The following CATSPERB variants were observed in gnomAD, a reference collection of about 807,000 sequenced individuals.
The protein encoded by CATSPERB is cation channel sperm-associated auxiliary subunit beta.
A neutral mutation model predicts 128.3 loss-of-function variants in CATSPERB; 93 were observed. The observed-to-expected ratio is 0.72, with a 90% CI of 0.61 to 0.86. The LOEUF (loss-of-function observed/expected upper bound fraction) is 0.86, where lower values mean the gene tolerates loss of function less well. CATSPERB is among the 40% of genes least tolerant of loss of function. The probability of loss-of-function intolerance (pLI) is 0.00; values close to 1 mark genes in which losing one functional copy is unlikely to be tolerated. For missense variants in CATSPERB, 1,153 were observed against 1,329.5 expected (o/e 0.87, Z 2.06); for synonymous variants, 381 against 448.8 (o/e 0.85, Z 1.91).
chr14:91,695,129 ATTTTTTT>A (rs34458723), intron 7 of CATSPERB, among the ~76,000 whole-genome samples: 5 of 133,536 alleles, frequency 3.7e-5, no homozygotes, highest in Non-Finnish European at 6.4e-5. Flanking sequence ...AATGGTGGGA[ATTTTTTT>A]TTTTTTTTTT....
At position 91,683,876 on chromosome 14, in the gene CATSPERB, C is replaced by A; in HGVS notation, c.931+1G>T. ...ACAGTATATCTTTAACCAAAATTTA[C>A]CTTCAAAGTGCTCTCTGTTAGCAAA... On this transcript the variant is annotated splice_donor_variant, in intron 11 of 26. Coordinates refer to ENST00000256343, the MANE Select transcript of CATSPERB (RefSeq NM_024764.4). LOFTEE classifies it high-confidence loss of function. 1 of 1,597,802 alleles carries A rather than the reference C, an allele frequency of 6.3e-7. No individual in the cohort carries two copies. The highest frequency in any genetic ancestry group is 1.7e-5 in the Admixed American group (1 of 57,628).
At chr14:91,707,575 CTTTTTTTTTTTTTTTTTTTTTTT>C (rs539712771) in intron 6 of CATSPERB, among the ~76,000 whole-genome samples, 6 of 58,286 alleles carry the variant, frequency 1.0e-4, no homozygotes, top group Non-Finnish European at 1.5e-4. Context: ...TATGTACTTC[CTTTTTTTTTTTTTTTTTTTTTTT>C]TTTTTTTTTT....
intron 20 of CATSPERB, among the ~76,000 whole-genome samples, chr14:91,611,283 C>T (rs532205513): frequency 3.9e-5 from 6 of 152,022 alleles, no homozygotes; most frequent in Non-Finnish European, 8.8e-5. Context: ...CTAATTGGTT[C>T]GGGGAAGTAT....
intron 15 of CATSPERB, among the ~76,000 whole-genome samples, chr14:91,656,112 T>C (rs1894783163): frequency 6.6e-6 from 1 of 151,996 alleles, no homozygotes; most frequent in South Asian, 2.1e-4. Context: ...GAAAAAGAAA[T>C]ATTTTCTGAG....
chr14:91,652,817 T>A (rs1192578903), intron 15 of CATSPERB, among the ~76,000 whole-genome samples: 1 of 152,162 alleles, frequency 6.6e-6, no homozygotes, highest in Non-Finnish European at 1.5e-5. Flanking sequence ...ATATAAAGTC[T>A]GATCACCAGA....
Position 91,691,498 on chromosome 14 carries a change from C to T in CATSPERB, c.864+25G>A, listed in dbSNP as rs114357044. ...AAGTAAACACATATCTTCTAACCAG[C>T]CCTGGGAAATATAAAGCTTCTTACC... is the stretch of plus-strand genomic sequence containing the variant. On this transcript the variant is annotated intron_variant, in intron 10 of 26. Coordinates refer to ENST00000256343, the MANE Select transcript of CATSPERB (RefSeq NM_024764.4). The T allele has an allele frequency of 8.8e-5, 138 of 1,575,272 alleles. 1 individual carries two copies. In the African/African-American group the frequency reaches 1.8e-3, roughly 20 times the overall value.
intron 17 of CATSPERB, among the ~76,000 whole-genome samples, chr14:91,630,461 C>T (rs768022382): frequency 6.6e-6 from 1 of 152,216 alleles, no homozygotes; most frequent in Non-Finnish European, 1.5e-5. Context: ...ACCTAGCACA[C>T]ATTTCAAACT....
chr14:91,722,829 A>T (rs1896056087), intron 4 of CATSPERB, among the ~76,000 whole-genome samples: 1 of 152,210 alleles, frequency 6.6e-6, no homozygotes, highest in Admixed American at 6.5e-5. Flanking sequence ...AGTATAAATA[A>T]TAAATATGTA....
At chr14:91,622,871 T>G (rs1313940041) in intron 18 of CATSPERB, among the ~76,000 whole-genome samples, 1 of 151,476 alleles carries the variant, frequency 6.6e-6, no homozygotes, top group Non-Finnish European at 1.5e-5. Context: ...AGCCAACAGC[T>G]TTTTGTCAAA....
At chr14:91,657,097 C>T (rs753170992) in intron 15 of CATSPERB, among the ~76,000 whole-genome samples, 5 of 151,986 alleles carry the variant, frequency 3.3e-5, no homozygotes, top group African/African-American at 7.2e-5. Flanking sequence ...CACCTTTGGA[C>T]ATGATTTTCT....
intron 11 of CATSPERB, 147 bp downstream of exon 11, chr14:91,683,730 C>G: frequency 1.9e-6 from 1 of 533,300 alleles, no homozygotes; most frequent in Admixed American, 3.9e-5. Context: ...CTCCTGAATG[C>G]CTCCCACCCC....
intron 22 of CATSPERB, among the ~76,000 whole-genome samples, chr14:91,596,681 TAA>T (rs1893512018): frequency 6.6e-6 from 1 of 152,080 alleles, no homozygotes; most frequent in African/African-American, 2.4e-5. Context: ...TAATGTACAC[TAA>T]GTTATATCAG....
intron 4 of CATSPERB, among the ~76,000 whole-genome samples, chr14:91,721,946 C>T (rs1896040886): frequency 6.6e-6 from 1 of 151,926 alleles, no homozygotes. Flanking sequence ...ACTTGTAGTC[C>T]TGGCTACTCA....
intron 14 of CATSPERB, among the ~76,000 whole-genome samples, chr14:91,669,425 C>T (rs1015864788): frequency 6.6e-6 from 1 of 151,666 alleles, no homozygotes; most frequent in Admixed American, 6.6e-5. Flanking sequence ...ACTTAAAGAA[C>T]AACAGAGCCA....
chr14:91,639,886 T>G (rs1475325708), intron 15 of CATSPERB, among the ~76,000 whole-genome samples: 1 of 136,168 alleles, frequency 7.3e-6, no homozygotes, highest in Non-Finnish European at 1.6e-5. Flanking sequence ...CCCAGTTAGC[T>G]CAGGCTCTCC....
chr14:91,610,044 A>G (rs1893796374), intron 21 of CATSPERB, among the ~76,000 whole-genome samples: 1 of 152,148 alleles, frequency 6.6e-6, no homozygotes, highest in Non-Finnish European at 1.5e-5. Flanking sequence ...TTTCTAAGCT[A>G]TGAGGTTTGT....
intron 5 of CATSPERB, among the ~76,000 whole-genome samples, chr14:91,711,099 G>C (rs922557631): frequency 6.6e-6 from 1 of 152,188 alleles, no homozygotes; most frequent in Non-Finnish European, 1.5e-5. Context: ...ATAATTCAGT[G>C]CCAGGGTCCT....
chr14:91,685,303 A>G (rs190001390), intron 10 of CATSPERB, among the ~76,000 whole-genome samples: 7 of 152,266 alleles, frequency 4.6e-5, no homozygotes, highest in Admixed American at 4.6e-4. Context: ...TTACTTAATC[A>G]CCTCATTTCT....
intron 22 of CATSPERB, chr14:91,603,457 T>C: frequency 1.4e-6 from 2 of 1,468,938 alleles, no homozygotes; most frequent in Non-Finnish European, 1.9e-6. Flanking sequence ...ACCAGATGAG[T>C]GGGCAAATTC....
Sources: allele counts gnomAD v4.1 joint callset (sites outside exome capture counted in the v4.1 genomes callset), GRCh38; gene constraint gnomAD v4.1.1; transcripts MANE v1.5; gene names NCBI Gene and HGNC (gene_info 2026-07-23, HGNC 2026-07-21).